Variants in TBC1D5 observed in about 807,000 individuals in gnomAD.
TBC1D5 encodes TBC1 domain family member 5, also known as TBC1 domain family, member 5.
TBC1D5 carries 75 observed loss-of-function variants against 100.3 expected under a neutral mutation model. The observed-to-expected ratio is 0.75, with a 90% CI of 0.62 to 0.91. The LOEUF (loss-of-function observed/expected upper bound fraction) is 0.91. Among genes scored for constraint, TBC1D5 ranks in the 40% least tolerant of loss-of-function variants. The probability of loss-of-function intolerance (pLI) is 0.00; values close to 1 mark genes in which losing one functional copy is unlikely to be tolerated. For synonymous variants in TBC1D5, 323 were observed against 325.6 expected, an observed-to-expected ratio of 0.99 and a Z score of 0.09; for missense variants, 910 against 942.4, an observed-to-expected ratio of 0.97 and a Z score of 0.45.
chr3:17,672,824 G>A (rs565812534), intron 1 of TBC1D5: 1 of 152,312 alleles, frequency 6.6e-6, no homozygotes, highest in South Asian at 2.1e-4. Flanking sequence ...AAGAATTGAT[G>A]GCAGCTTGTC....
chr3:17,476,418 A>G (rs73153029), intron 3 of TBC1D5, among the ~76,000 whole-genome samples: 13,841 of 151,970 alleles, frequency 0.091, 1,419 homozygotes, highest in African/African-American at 0.26. Flanking sequence ...CCACTGATCT[A>G]TAATTTCAGC....
At chr3:17,188,885 C>A (rs1355325711) in intron 18 of TBC1D5, among the ~76,000 whole-genome samples, 1 of 152,242 alleles carries the variant, frequency 6.6e-6, no homozygotes, top group Non-Finnish European at 1.5e-5. Context: ...AACCAACCAG[C>A]TAGTGTTAAT....
At chr3:17,712,989 A>C (rs186062065) in intron 1 of TBC1D5, among the ~76,000 whole-genome samples, 2 of 152,216 alleles carry the variant, frequency 1.3e-5, no homozygotes, top group East Asian at 3.9e-4. Flanking sequence ...CCCATTCTTC[A>C]TCAAACTCCC....
chr3:17,380,580 A>G (rs1296957208), intron 9 of TBC1D5, among the ~76,000 whole-genome samples: 1 of 152,068 alleles, frequency 6.6e-6, no homozygotes, highest in Non-Finnish European at 1.5e-5. Flanking sequence ...GCTTCCACCT[A>G]TATTGTCAGC....
At chr3:17,229,582 C>A (rs1179091310) in intron 17 of TBC1D5, among the ~76,000 whole-genome samples, 1 of 152,114 alleles carries the variant, frequency 6.6e-6, no homozygotes, top group Admixed American at 6.5e-5. Context: ...CTATCATCAC[C>A]ACTACCTGAG....
intron 1 of TBC1D5, among the ~76,000 whole-genome samples, chr3:17,634,985 A>G: frequency 7.1e-6 from 1 of 140,982 alleles, no homozygotes; most frequent in East Asian, 2.3e-4. Flanking sequence ...TATGCTTTTT[A>G]TATGTGGATA....
At chr3:17,383,860 C>T (rs1413393116) in intron 9 of TBC1D5, 53 bp downstream of exon 9, 5 of 1,379,152 alleles carry the variant, frequency 3.6e-6, no homozygotes, top group Non-Finnish European at 5.1e-6. Flanking sequence ...ATTTGTCAAG[C>T]TGTATAGAAA....
At chr3:17,312,719 T>A (rs2084182913) in intron 13 of TBC1D5, among the ~76,000 whole-genome samples, 1 of 152,210 alleles carries the variant, frequency 6.6e-6, no homozygotes, top group Non-Finnish European at 1.5e-5. Context: ...TTCCTAATAA[T>A]TACCACCCAT....
intron 15 of TBC1D5, among the ~76,000 whole-genome samples, chr3:17,260,169 CT>C (rs2078140922): frequency 6.6e-6 from 1 of 152,190 alleles, no homozygotes; most frequent in African/African-American, 2.4e-5. Flanking sequence ...TAAAAATTAA[CT>C]TTCGCAGGAC....
chr3:17,690,034 T>G (rs941173844), intron 1 of TBC1D5, among the ~76,000 whole-genome samples: 6 of 152,108 alleles, frequency 3.9e-5, no homozygotes, highest in African/African-American at 7.2e-5. Flanking sequence ...TAATACATGA[T>G]GCTTTAATAA....
At chr3:17,551,839 CAT>C (rs1459978935) in intron 2 of TBC1D5, among the ~76,000 whole-genome samples, 3 of 152,072 alleles carry the variant, frequency 2.0e-5, no homozygotes, top group African/African-American at 7.2e-5. Context: ...AAACATAAAA[CAT>C]ATAAACACAA....
At chr3:17,476,005 T>C (rs2150217235) in intron 3 of TBC1D5, among the ~76,000 whole-genome samples, 1 of 152,238 alleles carries the variant, frequency 6.6e-6, no homozygotes, top group South Asian at 2.1e-4. Flanking sequence ...TATATGGCTA[T>C]TGCATGGTTC....
intron 13 of TBC1D5, among the ~76,000 whole-genome samples, chr3:17,342,336 T>A (rs2089111782): frequency 6.6e-6 from 1 of 152,234 alleles, no homozygotes; most frequent in African/African-American, 2.4e-5. Flanking sequence ...CACTTCCTGA[T>A]TATCAAGAAG....
Position 17,637,462 on chromosome 3 carries a change from G to GA in TBC1D5, c.-100-13550dup, listed in dbSNP as rs572505116. Among the ~76,000 whole-genome samples, 276 of 151,542 alleles carry GA rather than the reference G, an allele frequency of 1.8e-3. 2 individuals are homozygous for GA. Among genetic ancestry groups the GA allele is most frequent in the African/African-American group, 5.9e-3 (245 of 41,356 alleles). Reference sequence around the variant, plus strand: ...AAAATTTAAAACTTTTGTGCAATGGGAAAAAATCACCATAAATAAATATGA... The same window carrying GA: ...AAAATTTAAAACTTTTGTGCAATGGGAAAAAAATCACCATAAATAAATATGA... On this transcript the variant is annotated intron_variant, in intron 1 of 21. Coordinates refer to ENST00000253692, the Ensembl canonical transcript of TBC1D5.
intron 18 of TBC1D5, among the ~76,000 whole-genome samples, chr3:17,186,930 T>G (rs1206117383): frequency 1.3e-5 from 2 of 151,904 alleles, no homozygotes; most frequent in Non-Finnish European, 2.9e-5. Context: ...CAAAGGATAA[T>G]TAGAAGTAAT....
intron 13 of TBC1D5, among the ~76,000 whole-genome samples, chr3:17,322,996 T>G (rs1474074916): frequency 6.6e-6 from 1 of 152,156 alleles, no homozygotes; most frequent in Non-Finnish European, 1.5e-5. Context: ...TTTAAAAAGT[T>G]TAAAAACAAG....
chr3:17,718,886 A>G (rs796970488), intron 1 of TBC1D5, among the ~76,000 whole-genome samples: 39 of 152,294 alleles, frequency 2.6e-4, no homozygotes, highest in African/African-American at 8.7e-4. Flanking sequence ...AAAATAATCA[A>G]ATTTTGCTAT....
At chr3:17,414,603 T>G (rs2094017101) in intron 4 of TBC1D5, among the ~76,000 whole-genome samples, 1 of 152,200 alleles carries the variant, frequency 6.6e-6, no homozygotes, top group Non-Finnish European at 1.5e-5. Context: ...AGCATAAGAC[T>G]GTAAAGTGTG....
chr3:17,742,017 A>G (rs916733703), upstream of TBC1D5, among the ~76,000 whole-genome samples: 4 of 152,022 alleles, frequency 2.6e-5, no homozygotes, highest in Non-Finnish European at 4.4e-5. Flanking sequence ...CCGGGGCCCA[A>G]ATGAACATGG....
Sources: gnomAD v4.1 joint callset for allele counts (sites outside exome capture counted in the v4.1 genomes callset) on GRCh38, gnomAD v4.1.1 for gene constraint, MANE v1.5 for transcripts, NCBI Gene and HGNC (gene_info 2026-07-23, HGNC 2026-07-21) for gene names.